Variants in SSBP2 observed in about 807,000 individuals in gnomAD.
SSBP2 encodes the protein single-stranded DNA-binding protein 2.
A neutral mutation model predicts 61.8 loss-of-function variants in SSBP2; 17 were observed. That is an observed-to-expected ratio of 0.28 (90% CI 0.19 to 0.41). The LOEUF (loss-of-function observed/expected upper bound fraction) is 0.41. Among genes scored for constraint, SSBP2 ranks in the 10% least tolerant of loss-of-function variants. SSBP2 has a pLI of 1.00. For synonymous variants in SSBP2, 139 were observed against 141.3 expected (o/e 0.98, Z 0.12); for missense variants, 310 against 458.7 (o/e 0.68, Z 2.96).
At chr5:81,508,264 C>T (rs564757019) in intron 5 of SSBP2, among the ~76,000 whole-genome samples, 1 of 152,182 alleles carries the variant, frequency 6.6e-6, no homozygotes, top group East Asian at 1.9e-4. Flanking sequence ...GGATCCCAAG[C>T]AGCAAGACTT....
intron 6 of SSBP2, among the ~76,000 whole-genome samples, chr5:81,481,619 TA>T (rs34578727): frequency 0.012 from 1,497 of 120,932 alleles, 20 homozygotes; most frequent in African/African-American, 0.035. Flanking sequence ...AAACTACATC[TA>T]AAAAAAAAAA....
chr5:81,597,336 C>T (rs1743870301), intron 4 of SSBP2, among the ~76,000 whole-genome samples: 1 of 152,088 alleles, frequency 6.6e-6, no homozygotes, highest in Non-Finnish European at 1.5e-5. Flanking sequence ...GTTAGAATGG[C>T]AATCATTAAA....
intron 6 of SSBP2, 57 bp downstream of exon 6, chr5:81,489,193 T>C: frequency 7.4e-7 from 1 of 1,357,496 alleles, no homozygotes; most frequent in Non-Finnish European, 1.0e-6. Context: ...TAAATATATG[T>C]GACATTTTCA....
intron 10 of SSBP2, among the ~76,000 whole-genome samples, chr5:81,449,178 T>C (rs1402272394): frequency 6.6e-6 from 1 of 152,172 alleles, no homozygotes; most frequent in African/African-American, 2.4e-5. Flanking sequence ...TTCAAATTAG[T>C]AGTATTTACA....
chr5:81,749,333 A>G (rs1309455410), intron 1 of SSBP2, among the ~76,000 whole-genome samples: 1 of 152,198 alleles, frequency 6.6e-6, no homozygotes. Flanking sequence ...GCTTTGCTAC[A>G]TCAAGGCCTG....
chr5:81,679,144 GA>G, intron 1 of SSBP2, among the ~76,000 whole-genome samples: 1 of 152,308 alleles, frequency 6.6e-6, no homozygotes, highest in East Asian at 1.9e-4. Context: ...GAGTAGGTGG[GA>G]TTATAGGTAC....
intron 1 of SSBP2, among the ~76,000 whole-genome samples, chr5:81,749,233 G>T (rs1451904962): frequency 6.6e-6 from 1 of 151,962 alleles, no homozygotes; most frequent in Non-Finnish European, 1.5e-5. Flanking sequence ...TATACTACTT[G>T]TCACAGCAAC....
intron 6 of SSBP2, among the ~76,000 whole-genome samples, chr5:81,486,527 T>C (rs1766393139): frequency 6.6e-6 from 1 of 152,138 alleles, no homozygotes; most frequent in Non-Finnish European, 1.5e-5. Flanking sequence ...AATTCAGATA[T>C]TTAGGCGCTT....
At chr5:81,489,426 T>C in intron 5 of SSBP2, 117 bp from the exon 6 acceptor site, 1 of 812,592 alleles carries the variant, frequency 1.2e-6, no homozygotes, top group South Asian at 2.0e-5. Context: ...ATCAATGTAC[T>C]TTGAGGCTGC....
intron 1 of SSBP2, among the ~76,000 whole-genome samples, chr5:81,712,708 G>A (rs586695): frequency 0.36 from 53,752 of 149,188 alleles, 11,946 homozygotes; most frequent in Admixed American, 0.49. Context: ...AAAGTAAAGG[G>A]ACTTTTTGTT....
chr5:81,741,521 A>G (rs1220806679), intron 1 of SSBP2, among the ~76,000 whole-genome samples: 1 of 152,224 alleles, frequency 6.6e-6, no homozygotes, highest in Non-Finnish European at 1.5e-5. Flanking sequence ...TAAAAAAGAA[A>G]AAGAATATTC....
chr5:81,424,055 GA>G (rs894351423), intron 16 of SSBP2, among the ~76,000 whole-genome samples: 57 of 151,976 alleles, frequency 3.8e-4, no homozygotes, highest in Non-Finnish European at 6.8e-4. Flanking sequence ...GAAACTGAGT[GA>G]AAAAATAGAG....
intron 1 of SSBP2, among the ~76,000 whole-genome samples, chr5:81,673,155 C>G (rs1174449971): frequency 6.6e-6 from 1 of 152,098 alleles, no homozygotes; most frequent in Non-Finnish European, 1.5e-5. Flanking sequence ...TATTTACTTT[C>G]TAATCACTTG....
chr5:81,710,241 ACGAGGAT>A (rs2153930868), intron 1 of SSBP2, among the ~76,000 whole-genome samples: 1 of 152,200 alleles, frequency 6.6e-6, no homozygotes, highest in South Asian at 2.1e-4. Context: ...TAGTAGACAG[ACGAGGAT>A]TGTCTAATTA....
At chr5:81,557,787 G>A (rs1274811751) in intron 4 of SSBP2, among the ~76,000 whole-genome samples, 4 of 152,024 alleles carry the variant, frequency 2.6e-5, no homozygotes, top group Non-Finnish European at 5.9e-5. Context: ...GTATTTTCTA[G>A]TTCTAAAATC....
intron 1 of SSBP2, among the ~76,000 whole-genome samples, chr5:81,738,849 G>A (rs1450321742): frequency 2.0e-5 from 3 of 152,056 alleles, no homozygotes; most frequent in East Asian, 1.9e-4. Flanking sequence ...CACCTCAGAT[G>A]GTGTAACTTT....
At chr5:81,659,474 T>C (rs1210459357) in intron 1 of SSBP2, among the ~76,000 whole-genome samples, 2 of 152,050 alleles carry the variant, frequency 1.3e-5, no homozygotes, top group African/African-American at 2.4e-5. Context: ...GTGAAGGACC[T>C]CTTCAAGGAG....
At chr5:81,715,535 A>G (rs1755113646) in intron 1 of SSBP2, among the ~76,000 whole-genome samples, 1 of 152,238 alleles carries the variant, frequency 6.6e-6, no homozygotes, top group Non-Finnish European at 1.5e-5. Context: ...GGATAAACCA[A>G]TGATATGTTC....
intron 5 of SSBP2, among the ~76,000 whole-genome samples, chr5:81,498,571 A>T (rs972666112): frequency 3.3e-5 from 5 of 152,118 alleles, no homozygotes; most frequent in Non-Finnish European, 7.4e-5. Flanking sequence ...AAATACATTT[A>T]CTATAAGATT....
Sources: gnomAD v4.1 joint callset for allele counts (sites outside exome capture counted in the v4.1 genomes callset) on GRCh38, gnomAD v4.1.1 for gene constraint, MANE v1.5 for transcripts, NCBI Gene and HGNC (gene_info 2026-07-23, HGNC 2026-07-21) for gene names.